The following OSBP2 variants were observed in gnomAD, a reference collection of about 807,000 sequenced individuals.
OSBP2 encodes the protein oxysterol binding protein 2, also known as oxysterol-binding protein 2.
OSBP2 carries 66 observed loss-of-function variants against 96.0 expected under a neutral mutation model. That is an observed-to-expected ratio of 0.69 (90% CI 0.56 to 0.84). OSBP2 has a LOEUF of 0.84. OSBP2 is among the 40% of genes least tolerant of loss of function. The pLI is 0.00. For missense variants in OSBP2, 1,038 were observed against 1,222.7 expected (o/e 0.85, Z 2.25); for synonymous variants, 525 against 520.9 (o/e 1.01, Z -0.11).
chr22:30,853,949 C>T (rs532236198), intron 2 of OSBP2, among the ~76,000 whole-genome samples: 3 of 151,802 alleles, frequency 2.0e-5, no homozygotes, highest in African/African-American at 4.8e-5. Context: ...TTAGTAGAGA[C>T]GGGGTTTCAC....
intron 1 of OSBP2, among the ~76,000 whole-genome samples, chr22:30,735,402 TTC>T (rs1425306300): frequency 6.8e-6 from 1 of 147,856 alleles, no homozygotes; most frequent in Non-Finnish European, 1.5e-5. Context: ...TTTTCTTCTC[TTC>T]TCTCTCTTTT....
At chr22:30,902,207 G>A (rs1225147264) in intron 12 of OSBP2, 11 of 1,251,482 alleles carry the variant, frequency 8.8e-6, no homozygotes, top group South Asian at 2.8e-5. Context: ...AGAAGGAGTC[G>A]CTCACAGAGC....
At chr22:30,837,502 G>A (rs1028242015) in intron 2 of OSBP2, among the ~76,000 whole-genome samples, 1 of 152,164 alleles carries the variant, frequency 6.6e-6, no homozygotes, top group Non-Finnish European at 1.5e-5. Context: ...CCAAGAGTCT[G>A]CACTGTGTGA....
intron 2 of OSBP2, among the ~76,000 whole-genome samples, chr22:30,752,368 G>A (rs1276729757): frequency 2.4e-5 from 3 of 122,858 alleles, no homozygotes; most frequent in African/African-American, 9.6e-5. Flanking sequence ...GCACCATCTC[G>A]GCTCACTGCA....
At chr22:30,783,302 CTTTTTTTTTTTTTTTTT>C (rs35470453) in intron 2 of OSBP2, among the ~76,000 whole-genome samples, 14 of 34,708 alleles carry the variant, frequency 4.0e-4, no homozygotes, top group African/African-American at 1.8e-3. Flanking sequence ...ATTCAGAGAG[CTTTTTTTTTTTTTTTTT>C]TTTTTTTTTT....
At chr22:30,789,831 G>C (rs566054622) in intron 2 of OSBP2, among the ~76,000 whole-genome samples, 50 of 152,298 alleles carry the variant, frequency 3.3e-4, no homozygotes, top group African/African-American at 1.1e-3. Context: ...CTGCCCTTGA[G>C]ATTCTTTGTC....
intron 2 of OSBP2, among the ~76,000 whole-genome samples, chr22:30,845,316 A>G (rs1001239636): frequency 6.6e-6 from 1 of 152,132 alleles, no homozygotes; most frequent in African/African-American, 2.4e-5. Context: ...CTGTAATCCC[A>G]GGAGGCTGAG....
rs1187991590 is a variant in OSBP2, at chr22:30,764,304, T to G, written c.853+22935T>G. 3 of 984,714 alleles carry G rather than the reference T, an allele frequency of 3.0e-6. No homozygotes were observed. The African/African-American group carries it at 5.3e-5, about 17-fold the overall frequency. The allele number at this position is 984,714 out of a possible 1,614,324, so 61.0% of individuals were successfully genotyped here. A position where few individuals can be genotyped will look rare whatever the true frequency, so the allele number is the denominator to read the frequency against. ...GGGGTGGGCGGGGATGAGGAGGGGGTTGGGTGGCTGGTGGCCCTAGAGGCT... is the reference window on the plus strand; with the variant it reads ...GGGGTGGGCGGGGATGAGGAGGGGGGTGGGTGGCTGGTGGCCCTAGAGGCT... On this transcript the variant is annotated intron_variant, in intron 2 of 13. Transcript: ENST00000332585.
chr22:30,756,570 G>A (rs2090143059), intron 2 of OSBP2, among the ~76,000 whole-genome samples: 1 of 152,194 alleles, frequency 6.6e-6, no homozygotes, highest in Non-Finnish European at 1.5e-5. Flanking sequence ...GCGCACGCCT[G>A]TAGTCACAGC....
At chr22:30,788,488 A>G (rs1206789874) in intron 2 of OSBP2, among the ~76,000 whole-genome samples, 6 of 152,174 alleles carry the variant, frequency 3.9e-5, no homozygotes. Flanking sequence ...AGACCAGCCA[A>G]GGCCTCTCAT....
At chr22:30,768,434 T>A (rs2145785308) in intron 2 of OSBP2, among the ~76,000 whole-genome samples, 1 of 152,260 alleles carries the variant, frequency 6.6e-6, no homozygotes, top group Non-Finnish European at 1.5e-5. Flanking sequence ...CCTAGCACTT[T>A]GGGAGGCCGA....
At chr22:30,841,148 G>A (rs1004602038) in intron 2 of OSBP2, among the ~76,000 whole-genome samples, 2 of 152,092 alleles carry the variant, frequency 1.3e-5, no homozygotes, top group Non-Finnish European at 2.9e-5. Context: ...CTGGGTGACA[G>A]AGTGAGACTC....
chr22:30,856,266 T>G (rs1037714010), intron 2 of OSBP2, among the ~76,000 whole-genome samples: 1 of 152,142 alleles, frequency 6.6e-6, no homozygotes, highest in Non-Finnish European at 1.5e-5. Context: ...TTCACTGTGG[T>G]CTTTACCTCT....
At chr22:30,837,937 G>A (rs1348503431) in intron 2 of OSBP2, among the ~76,000 whole-genome samples, 1 of 152,140 alleles carries the variant, frequency 6.6e-6, no homozygotes. Context: ...GAGCATCATC[G>A]TTATTTTTAG....
chr22:30,840,285 T>C (rs192527422), intron 2 of OSBP2, among the ~76,000 whole-genome samples: 82 of 148,786 alleles, frequency 5.5e-4, no homozygotes, highest in African/African-American at 1.8e-3. Flanking sequence ...ATTCAATAAA[T>C]GTTTATTAAA....
upstream of OSBP2, chr22:30,693,998 T>G: frequency 7.2e-7 from 1 of 1,391,758 alleles, no homozygotes; most frequent in Non-Finnish European, 9.7e-7. Context: ...GAAAAAAAAA[T>G]TCGCTGATGT....
At chr22:30,905,432 G>A (rs1366489024) in intron 12 of OSBP2, among the ~76,000 whole-genome samples, 3 of 151,856 alleles carry the variant, frequency 2.0e-5, no homozygotes, top group South Asian at 4.2e-4. Context: ...GTGAGCCACC[G>A]TGCCCAGCGG....
At chr22:30,849,174 G>C (rs1458458395) in intron 2 of OSBP2, among the ~76,000 whole-genome samples, 3 of 152,068 alleles carry the variant, frequency 2.0e-5, no homozygotes, top group African/African-American at 7.2e-5. Flanking sequence ...AGGCTGAGGT[G>C]GGAGGATTGC....
chr22:30,870,278 C>A lies in OSBP2; in HGVS notation c.854-151C>A. 1.2e-6 allele frequency: 1 copy of A among 824,870 alleles called. No individual in the cohort carries two copies. Among genetic ancestry groups the A allele is most frequent in the Non-Finnish European group, 1.9e-6 (1 of 534,114 alleles). 51.1% of individuals were successfully genotyped at this position (824,870 alleles called of 1,614,324 possible). A position where few individuals can be genotyped will look rare whatever the true frequency, so the allele number is the denominator to read the frequency against. ...CTGGGCCAGGATGGGGCAGGCACCT[C>A]ACCCCGGCCAGGAACAGGAACGGGC... On this transcript the variant is annotated intron_variant, in intron 2 of 13. Transcript: ENST00000332585. The surrounding 1 kb of genome is among the most constrained non-coding windows in gnomAD (Gnocchi z 4.1).
Sources: gnomAD v4.1 joint callset for allele counts (sites outside exome capture counted in the v4.1 genomes callset) on GRCh38, gnomAD v4.1.1 for gene constraint, Gnocchi (gnomAD v3.1) non-coding constraint, MANE v1.5 for transcripts, NCBI Gene and HGNC (gene_info 2026-07-23, HGNC 2026-07-21) for gene names.